The following ZNF789 variants were observed in gnomAD, a reference collection of about 807,000 sequenced individuals.
The protein encoded by ZNF789 is zinc finger protein 789.
Under a neutral mutation model 15.6 loss-of-function variants are expected in ZNF789, and 11 were observed. The observed-to-expected ratio is 0.70, with a 90% CI of 0.44 to 1.16. The LOEUF is 1.16. ZNF789 is among the 50% of genes most tolerant of loss of function. The pLI, the probability that ZNF789 is intolerant of heterozygous loss-of-function variation, is 0.00. For synonymous variants in ZNF789, 159 were observed against 176.0 expected (o/e 0.90, Z 0.76); for missense variants, 461 against 512.6 (o/e 0.90, Z 0.97).
At position 99,478,562 on chromosome 7, in the gene ZNF789, C is replaced by G. The variant is rs552407351; in HGVS notation, c.25-1099C>G. On this transcript the variant is annotated intron_variant, in intron 2 of 4. Transcript: ENST00000331410. ...GTTTGCCCTTTCCCTGCACACATCCCCTCTGAACCCATGCAGTGTCTTGTG... is the reference window on the plus strand; with the variant it reads ...GTTTGCCCTTTCCCTGCACACATCCGCTCTGAACCCATGCAGTGTCTTGTG... The G allele has an allele frequency of 2.2e-3, 858 of 387,090 alleles. 2 individuals are homozygous for G. The highest frequency in any genetic ancestry group is 3.8e-3 in the Non-Finnish European group (740 of 193,192). 24.0% of individuals were successfully genotyped at this position (387,090 alleles called of 1,614,324 possible).
intron 3 of ZNF789, among the ~76,000 whole-genome samples, chr7:99,482,836 C>A (rs1230819890): frequency 6.6e-6 from 1 of 151,854 alleles, no homozygotes; most frequent in Non-Finnish European, 1.5e-5. Context: ...GCCTGGGCAA[C>A]AAGAGCAAAA....
At position 99,487,200 on chromosome 7, in the gene ZNF789, T is replaced by C. The variant is rs769092023; in HGVS notation, c.990T>C (p.Cys330=). 1.9e-6 allele frequency: 3 copies of C among 1,614,150 alleles called. No individual in the cohort carries two copies. The African/African-American group carries it at 4.0e-5, about 22-fold the overall frequency. ...TTGGCCGGCATTCAACCCTTCTATG[T>C]CATCAACAGATTCACAGTAAACCGA... is the stretch of plus-strand genomic sequence containing the variant. ...KAFGRHSTLL[C]HQQIHSKPNT... The change falls in exon 5 of 5, where the codon TGT becomes TGC. Residue 330 remains cysteine (C), a synonymous_variant. Coordinates refer to ENST00000331410, the MANE Select transcript of ZNF789 (RefSeq NM_213603.3).
chr7:99,481,342 T>C (rs1044447327), intron 3 of ZNF789: 3 of 152,260 alleles, frequency 2.0e-5, no homozygotes, highest in African/African-American at 7.2e-5. Context: ...CAAGATACTT[T>C]CCCAAAATCA....
At position 99,486,744 on chromosome 7, in the gene ZNF789, T is replaced by C; in HGVS notation, c.534T>C (p.Asp178=). 1 of 1,614,214 alleles carries C rather than the reference T, an allele frequency of 6.2e-7. No homozygotes were observed. The highest frequency in any genetic ancestry group is 8.5e-7 in the Non-Finnish European group (1 of 1,180,036). The change falls in exon 5 of 5, where the codon GAT becomes GAC. Residue 178 remains aspartate, a synonymous_variant. Transcript: ENST00000331410. ...TRWKQGRYDE[D]GKPFNQRSLL... The stretch of plus-strand genomic sequence containing the variant: ...GGAAGCAGGGCAGATATGATGAGGA[T>C]GGCAAACCCTTCAATCAAAGATCTT...
At chr7:99,483,028 C>T (rs1474820370) in intron 3 of ZNF789, among the ~76,000 whole-genome samples, 6 of 151,660 alleles carry the variant, frequency 4.0e-5, no homozygotes, top group African/African-American at 9.7e-5. Flanking sequence ...GTCAGGAGTT[C>T]GAGACCAGTT....
chr7:99,485,172 T>C (rs1799864331), intron 4 of ZNF789: 4 of 1,535,558 alleles, frequency 2.6e-6, no homozygotes, highest in African/African-American at 1.4e-5. Flanking sequence ...TTTCCTGACA[T>C]ATCTGCATTT....
chr7:99,485,200 C>T (rs1222480158), intron 4 of ZNF789: 37 of 1,535,834 alleles, frequency 2.4e-5, no homozygotes, highest in Non-Finnish European at 3.1e-5. Context: ...TACTGTGTCC[C>T]GATGCAGCTG....
intron 2 of ZNF789, 107 bp downstream of exon 2, chr7:99,476,587 C>T: frequency 7.1e-7 from 1 of 1,408,072 alleles, no homozygotes; most frequent in South Asian, 1.3e-5. Context: ...CCTTCTTAGA[C>T]AGTGCAATGT....
intron 4 of ZNF789, among the ~76,000 whole-genome samples, chr7:99,485,886 C>A (rs1424606204): frequency 6.6e-6 from 1 of 152,134 alleles, no homozygotes; most frequent in Non-Finnish European, 1.5e-5. Context: ...CCACTGAGTA[C>A]CTAGAGTAAG....
chr7:99,485,540 C>T (rs147967570), intron 4 of ZNF789, among the ~76,000 whole-genome samples: 18 of 152,290 alleles, frequency 1.2e-4, no homozygotes, highest in African/African-American at 4.1e-4. Flanking sequence ...TTATTAAAAA[C>T]GTGTATCTAG....
At chr7:99,479,471 G>T (rs913554181) in intron 2 of ZNF789, 190 bp from the exon 3 acceptor site, 10 of 503,868 alleles carry the variant, frequency 2.0e-5, no homozygotes, top group African/African-American at 2.0e-4. Flanking sequence ...CGACCCCGTG[G>T]TATGGAAGCC....
rs1041637924 is a variant in ZNF789 at position 99,473,032 on chromosome 7, G to C, written c.-79G>C. On this transcript the variant is annotated 5_prime_UTR_variant, in exon 1 of 5. Transcript: ENST00000331410. ...GCCCAGCCCCTGGTGGAGGCGGCTT[G>C]GCGGAGATTCGGAGCCGTCAGCAGG... 2.0e-5 allele frequency: 3 copies of C among 152,418 alleles called. No individual in the cohort carries two copies. Among genetic ancestry groups the C allele is most frequent in the African/African-American group, 7.2e-5 (3 of 41,462 alleles). 9.4% of individuals were successfully genotyped at this position (152,418 alleles called of 1,614,324 possible).
Position 99,476,488 on chromosome 7 carries a change from G to A in ZNF789, c.24+8G>A. On this transcript the variant is annotated splice_region_variant and intron_variant, in intron 2 of 4. Transcript: ENST00000331410. ...CCACCAGCCAGGGGGAAGGTGAGCT[G>A]TGCCTCCCCCTCTGCTTCATCAGCA... is the stretch of plus-strand genomic sequence containing the variant. 6.2e-7 allele frequency: 1 copy of A among 1,611,610 alleles called. No individual in the cohort carries two copies. Among genetic ancestry groups the A allele is most frequent in the Admixed American group, 1.7e-5 (1 of 59,558 alleles).
intron 4 of ZNF789, 66 bp downstream of exon 4, chr7:99,484,209 C>T: frequency 1.5e-6 from 2 of 1,304,924 alleles, no homozygotes; most frequent in Non-Finnish European, 2.2e-6. Flanking sequence ...TTAGTGAAGC[C>T]CCTTCTGTGT....
rs945083799 is a variant in ZNF789 at position 99,472,934 on chromosome 7, C to G, written c.-177C>G. 1 of 152,368 alleles carries G rather than the reference C, an allele frequency of 6.6e-6. No homozygotes were observed. The highest frequency in any genetic ancestry group is 2.1e-4 in the South Asian group (1 of 4,824). 9.4% of individuals were successfully genotyped at this position (152,368 alleles called of 1,614,324 possible). ...GCCAGAGTGGTTGTGTCTGTTCCTC[C>G]GGTAAGGGGTGATTCGCCGAGGGGC... On this transcript the variant is annotated 5_prime_UTR_variant, in exon 1 of 5. Coordinates refer to ENST00000331410, the MANE Select transcript of ZNF789 (RefSeq NM_213603.3).
At chr7:99,485,950 A>T (rs1799917162) in intron 4 of ZNF789, among the ~76,000 whole-genome samples, 1 of 152,028 alleles carries the variant, frequency 6.6e-6, no homozygotes, top group Non-Finnish European at 1.5e-5. Flanking sequence ...TGGCATACAC[A>T]CTCCTATACA....
chr7:99,483,261 T>C (rs1244150909), intron 3 of ZNF789, among the ~76,000 whole-genome samples: 1 of 151,608 alleles, frequency 6.6e-6, no homozygotes, highest in Admixed American at 6.6e-5. Context: ...AAAATAAAAA[T>C]ACAAAAATTA....
chr7:99,474,905 A>G (rs938442268), intron 1 of ZNF789, among the ~76,000 whole-genome samples: 1 of 151,904 alleles, frequency 6.6e-6, no homozygotes, highest in Non-Finnish European at 1.5e-5. Context: ...GCATTGCTTA[A>G]GCCCAGGAGT....
rs548767675 is a variant in ZNF789, at chr7:99,477,904, C to T, written c.24+1424C>T. 7.4e-4 allele frequency among the ~76,000 whole-genome samples: 113 copies of T among 152,256 alleles called. 1 individual carries two copies. The highest frequency in any genetic ancestry group is 2.5e-3 in the African/African-American group (105 of 41,538). ...TGGAGGTTGCAGTGAGCCGAGATCG[C>T]GCCATTGCACTCTAGCCTGGGCAAC... On this transcript the variant is annotated intron_variant, in intron 2 of 4. Transcript: ENST00000331410.
Sources: gnomAD v4.1 joint callset for allele counts (sites outside exome capture counted in the v4.1 genomes callset) on GRCh38, gnomAD v4.1.1 for gene constraint, MANE v1.5 for transcripts, NCBI Gene and HGNC (gene_info 2026-07-23, HGNC 2026-07-21) for gene names.